Variants in TFCP2 observed in about 807,000 individuals in gnomAD.
The protein encoded by TFCP2 is alpha-globin transcription factor CP2.
A neutral mutation model predicts 73.4 loss-of-function variants in TFCP2; 33 were observed. That is an observed-to-expected ratio of 0.45 (90% confidence interval 0.34 to 0.60). The LOEUF (loss-of-function observed/expected upper bound fraction) is 0.60. Ranked by LOEUF, TFCP2 falls within the 20% of genes least tolerant of loss-of-function variation. The pLI, the probability that TFCP2 is intolerant of heterozygous loss-of-function variation, is 0.01. For missense variants in TFCP2, 352 were observed against 604.0 expected, an observed-to-expected ratio of 0.58 and a Z score of 4.37; for synonymous variants, 193 against 211.6, an observed-to-expected ratio of 0.91 and a Z score of 0.76.
chr12:51,137,264 T>C (rs146180446), intron 1 of TFCP2, among the ~76,000 whole-genome samples: 1 of 152,198 alleles, frequency 6.6e-6, no homozygotes, highest in African/African-American at 2.4e-5. Context: ...GTCTCTCACA[T>C]TTCCACTCTG....
intron 1 of TFCP2, among the ~76,000 whole-genome samples, chr12:51,126,513 G>C (rs1291294536): frequency 6.6e-6 from 1 of 152,102 alleles, no homozygotes; most frequent in Non-Finnish European, 1.5e-5. Context: ...ATTCATAACT[G>C]TGGTTTAGCT....
chr12:51,116,729 T>C (rs1940536652), intron 3 of TFCP2, among the ~76,000 whole-genome samples: 1 of 152,040 alleles, frequency 6.6e-6, no homozygotes, highest in Non-Finnish European at 1.5e-5. Flanking sequence ...GGAATTCTCC[T>C]GCCTCAGCCT....
chr12:51,117,535 T>A, intron 3 of TFCP2, 136 bp downstream of exon 3: 1 of 660,020 alleles, frequency 1.5e-6, no homozygotes, highest in Non-Finnish European at 2.6e-6. Flanking sequence ...CTTACTACTC[T>A]GCCAACAAAT....
At chr12:51,166,324 A>G (rs796974853) in intron 1 of TFCP2, among the ~76,000 whole-genome samples, 5 of 151,830 alleles carry the variant, frequency 3.3e-5, no homozygotes, top group African/African-American at 1.2e-4. Flanking sequence ...AAAAAATAAT[A>G]ATAATAATAA....
At chr12:51,145,176 CGGGG>C (rs1941267235) in intron 1 of TFCP2, among the ~76,000 whole-genome samples, 2 of 134,562 alleles carry the variant, frequency 1.5e-5, no homozygotes, top group South Asian at 2.4e-4. Context: ...ACTCCAGCCT[CGGGG>C]ACAGAGTGAG....
intron 1 of TFCP2, among the ~76,000 whole-genome samples, chr12:51,141,668 T>C (rs1592822755): frequency 6.7e-6 from 1 of 149,648 alleles, no homozygotes; most frequent in East Asian, 2.0e-4. Flanking sequence ...GGGAGGCCGA[T>C]GTGGGCAGAT....
chr12:51,123,575 G>T (rs12814498), intron 1 of TFCP2, among the ~76,000 whole-genome samples: 25,312 of 152,098 alleles, frequency 0.17, 2,351 homozygotes, highest in South Asian at 0.26. Context: ...ATTGCTTTAT[G>T]TATTTAATTC....
intron 1 of TFCP2, among the ~76,000 whole-genome samples, chr12:51,165,240 T>C (rs1941732326): frequency 6.6e-6 from 1 of 151,908 alleles, no homozygotes; most frequent in Non-Finnish European, 1.5e-5. Context: ...CATATGAATA[T>C]AGAAATAAAA....
At position 51,146,124 on chromosome 12, in the gene TFCP2, T is replaced by C. The variant is rs142695701; in HGVS notation, c.122+26177A>G. Among the ~76,000 whole-genome samples, 392 of 150,450 alleles carry C rather than the reference T, an allele frequency of 2.6e-3. 2 individuals are homozygous for C. Among genetic ancestry groups the C allele is most frequent in the African/African-American group, 9.0e-3 (369 of 40,980 alleles). On this transcript the variant is annotated intron_variant, in intron 1 of 14. Coordinates refer to ENST00000257915, the MANE Select transcript of TFCP2 (RefSeq NM_005653.5). ...CTCACACCTGTAATCTTAACACTTT[T>C]GTAGATTACTCCGTCTCTACAAAAA...
rs776455389 is a variant in TFCP2 at position 51,172,760 on chromosome 12, T to A, written c.-338A>T. The A allele has an allele frequency of 7.5e-4, 149 of 197,824 alleles. 1 individual carries two copies. In the Middle Eastern group the frequency reaches 0.024, roughly 32 times the overall value. 12.3% of individuals were successfully genotyped at this position (197,824 alleles called of 1,614,324 possible). On this transcript the variant is annotated 5_prime_UTR_variant, in exon 1 of 15. Coordinates refer to ENST00000257915, the MANE Select transcript of TFCP2 (RefSeq NM_005653.5). ...TTGAGAGTTCGTAGTGGTGGCTTGC[T>A]GCTTCCCAGTCAGACCAGCAGCAGC... is the stretch of plus-strand genomic sequence containing the variant.
chr12:51,124,011 A>T (rs942089469), intron 1 of TFCP2, among the ~76,000 whole-genome samples: 2 of 152,248 alleles, frequency 1.3e-5, no homozygotes, highest in African/African-American at 4.8e-5. Context: ...ATCTTCAAAC[A>T]GCATGATAAT....
At chr12:51,170,694 T>C (rs1941842129) in intron 1 of TFCP2, among the ~76,000 whole-genome samples, 1 of 152,112 alleles carries the variant, frequency 6.6e-6, no homozygotes, top group African/African-American at 2.4e-5. Context: ...CCTTTTTTTT[T>C]TTGAGACGGA....
intron 1 of TFCP2, among the ~76,000 whole-genome samples, chr12:51,154,720 C>T (rs931273269): frequency 6.6e-6 from 1 of 152,074 alleles, no homozygotes; most frequent in Non-Finnish European, 1.5e-5. Context: ...TGTGGTCTCT[C>T]TCTTTCTCTC....
chr12:51,148,861 C>T (rs1941357257), intron 1 of TFCP2, among the ~76,000 whole-genome samples: 1 of 150,876 alleles, frequency 6.6e-6, no homozygotes, highest in Non-Finnish European at 1.5e-5. Context: ...CCTGTCTCTA[C>T]TAAAAATACA....
chr12:51,129,984 CAA>C (rs10715341), intron 1 of TFCP2, among the ~76,000 whole-genome samples: 1 of 151,496 alleles, frequency 6.6e-6, no homozygotes, highest in Non-Finnish European at 1.5e-5. Context: ...CCCATCTCTA[CAA>C]AAAAAAATTG....
chr12:51,153,206 C>T (rs1170083632), intron 1 of TFCP2, among the ~76,000 whole-genome samples: 2 of 152,076 alleles, frequency 1.3e-5, no homozygotes, highest in African/African-American at 4.8e-5. Context: ...AAGACCCCAT[C>T]TCTCTAAAAT....
intron 1 of TFCP2, among the ~76,000 whole-genome samples, chr12:51,151,036 T>A (rs1235158853): frequency 6.6e-6 from 1 of 152,150 alleles, no homozygotes; most frequent in Non-Finnish European, 1.5e-5. Context: ...CTATTTTACG[T>A]GAAGGACATT....
intron 1 of TFCP2, among the ~76,000 whole-genome samples, chr12:51,171,442 A>G (rs1941859877): frequency 6.6e-6 from 1 of 152,184 alleles, no homozygotes; most frequent in Non-Finnish European, 1.5e-5. Flanking sequence ...CAATGACACC[A>G]TCTCTGCTCA....
intron 2 of TFCP2, among the ~76,000 whole-genome samples, chr12:51,118,186 C>T (rs111379674): frequency 1.3e-5 from 2 of 152,144 alleles, no homozygotes; most frequent in African/African-American, 4.8e-5. Context: ...GAACTCAAAT[C>T]TCTGAAGTAG....
Sources: gnomAD v4.1 joint callset for allele counts (sites outside exome capture counted in the v4.1 genomes callset) on GRCh38, gnomAD v4.1.1 for gene constraint, MANE v1.5 for transcripts, NCBI Gene and HGNC (gene_info 2026-07-23, HGNC 2026-07-21) for gene names.